Variants in AFF3 observed in about 807,000 individuals in gnomAD.
The protein encoded by AFF3 is ALF transcription elongation factor 3.
Under a neutral mutation model 129.7 loss-of-function variants are expected in AFF3, and 32 were observed. That is an observed-to-expected ratio of 0.25 (90% CI 0.19 to 0.33). The LOEUF (loss-of-function observed/expected upper bound fraction) is 0.33. Ranked by LOEUF, AFF3 falls within the 10% of genes least tolerant of loss-of-function variation. AFF3 has a pLI of 1.00. For synonymous variants in AFF3, 644 were observed against 635.4 expected (o/e 1.01, Z -0.20); for missense variants, 1,373 against 1,592.0 (o/e 0.86, Z 2.34).
intron 7 of AFF3, among the ~76,000 whole-genome samples, chr2:99,858,769 G>C (rs898146797): frequency 2.6e-5 from 4 of 152,148 alleles, no homozygotes; most frequent in African/African-American, 9.7e-5. Context: ...GGTGGGAGGA[G>C]GGAGAGGATC....
intron 12 of AFF3, among the ~76,000 whole-genome samples, chr2:99,655,879 T>C (rs1015983034): frequency 3.9e-5 from 6 of 152,090 alleles, no homozygotes; most frequent in South Asian, 2.1e-4. Flanking sequence ...AGCATGGTAG[T>C]AGTGAAGATG....
chr2:99,883,068 T>C (rs1692839723), intron 7 of AFF3, among the ~76,000 whole-genome samples: 1 of 152,210 alleles, frequency 6.6e-6, no homozygotes, highest in Non-Finnish European at 1.5e-5. Flanking sequence ...CATCCACAGT[T>C]TAGGAAGAGA....
intron 18 of AFF3, among the ~76,000 whole-genome samples, chr2:99,569,469 GT>G (rs1676283499): frequency 6.6e-6 from 1 of 152,164 alleles, no homozygotes; most frequent in South Asian, 2.1e-4. Context: ...TTGTAATGAA[GT>G]TAATTGTAAA....
intron 4 of AFF3, among the ~76,000 whole-genome samples, chr2:100,028,150 C>T (rs1684199130): frequency 6.6e-6 from 1 of 152,096 alleles, no homozygotes; most frequent in Non-Finnish European, 1.5e-5. Context: ...TATTCAATAC[C>T]AGTGACAGTG....
chr2:99,655,507 T>C (rs1175220167), intron 12 of AFF3, among the ~76,000 whole-genome samples: 1 of 152,178 alleles, frequency 6.6e-6, no homozygotes. Flanking sequence ...GCCTAGATCC[T>C]GGCTCAGCTG....
intron 15 of AFF3, among the ~76,000 whole-genome samples, chr2:99,590,045 C>T (rs1045975948): frequency 9.2e-5 from 14 of 152,182 alleles, no homozygotes; most frequent in African/African-American, 3.4e-4. Flanking sequence ...CCAGTGTGGG[C>T]GTTCCCCTTC....
rs1263439815 is a variant in AFF3, at chr2:99,593,234, A to T, written c.2427T>A (p.Pro809=). 1.2e-6 allele frequency: 2 copies of T among 1,602,840 alleles called. No individual in the cohort carries two copies. The highest frequency in any genetic ancestry group is 2.2e-5 in the East Asian group (1 of 44,554). ...TGGATTTTGGCAAAGCCTTTTCTGCAGGTGTGTCCGAGGTGTGGCTGGGCG... is the reference window on the plus strand; with the variant it reads ...TGGATTTTGGCAAAGCCTTTTCTGCTGGTGTGTCCGAGGTGTGGCTGGGCG... The part of the protein sequence containing the change: ...SAPPSHTSDT[P]AEKALPKSKR... The change falls in exon 15 of 25, where the codon CCT becomes CCA. Residue 809 remains proline, a synonymous_variant. Coordinates refer to ENST00000672756, the MANE Select transcript of AFF3 (RefSeq NM_001386135.1).
intron 10 of AFF3, among the ~76,000 whole-genome samples, chr2:99,735,735 C>T (rs572943095): frequency 1.3e-5 from 2 of 152,134 alleles, no homozygotes; most frequent in East Asian, 1.9e-4. Flanking sequence ...TCAATGGATC[C>T]GCCCACCTCA....
intron 8 of AFF3, among the ~76,000 whole-genome samples, chr2:99,774,408 A>C (rs1283765707): frequency 6.6e-6 from 1 of 152,184 alleles, no homozygotes; most frequent in Non-Finnish European, 1.5e-5. Context: ...AGACCAATGG[A>C]ACAGAATAGA....
At chr2:99,650,182 T>C (rs1030711874) in intron 12 of AFF3, among the ~76,000 whole-genome samples, 2 of 152,242 alleles carry the variant, frequency 1.3e-5, no homozygotes, top group Non-Finnish European at 2.9e-5. Context: ...GCATAGTTAA[T>C]GATATTATGA....
intron 12 of AFF3, among the ~76,000 whole-genome samples, chr2:99,667,883 G>A (rs375278735): frequency 1.7e-3 from 262 of 151,806 alleles, no homozygotes; most frequent in African/African-American, 6.2e-3. Flanking sequence ...TTGGCTGGGC[G>A]TGGTGGCTCA....
At chr2:99,743,748 C>T (rs1680913269) in intron 10 of AFF3, among the ~76,000 whole-genome samples, 1 of 152,140 alleles carries the variant, frequency 6.6e-6, no homozygotes. Flanking sequence ...GATTGATTTT[C>T]TTTGCCCACT....
At chr2:99,808,328 C>T (rs1027081644) in intron 8 of AFF3, among the ~76,000 whole-genome samples, 4 of 152,160 alleles carry the variant, frequency 2.6e-5, no homozygotes, top group African/African-American at 9.7e-5. Context: ...AAGAAATATT[C>T]TGGGATCCCA....
At chr2:100,028,145 A>G (rs1029467527) in intron 4 of AFF3, among the ~76,000 whole-genome samples, 1 of 152,228 alleles carries the variant, frequency 6.6e-6, no homozygotes, top group Non-Finnish European at 1.5e-5. Context: ...GGTAATATTC[A>G]ATACCAGTGA....
intron 4 of AFF3, among the ~76,000 whole-genome samples, chr2:100,061,973 A>G (rs1045606483): frequency 2.0e-5 from 3 of 152,186 alleles, no homozygotes; most frequent in Admixed American, 2.0e-4. Flanking sequence ...CAGCTGGTAC[A>G]CAGCTAAAAG....
At chr2:99,825,778 G>A (rs1253838405) in intron 8 of AFF3, among the ~76,000 whole-genome samples, 1 of 152,176 alleles carries the variant, frequency 6.6e-6, no homozygotes, top group African/African-American at 2.4e-5. Context: ...ACTCCCTCCT[G>A]TTTCTAGCCC....
At chr2:100,062,584 T>C (rs1472643164) in intron 4 of AFF3, among the ~76,000 whole-genome samples, 1 of 151,964 alleles carries the variant, frequency 6.6e-6, no homozygotes, top group East Asian at 1.9e-4. Flanking sequence ...GGAACTAAAC[T>C]AAAATTCCGG....
At chr2:99,661,878 G>A (rs1408867623) in intron 12 of AFF3, among the ~76,000 whole-genome samples, 1 of 152,148 alleles carries the variant, frequency 6.6e-6, no homozygotes, top group Non-Finnish European at 1.5e-5. Flanking sequence ...GCTGGCTTAT[G>A]CCTATAATGC....
intron 13 of AFF3, among the ~76,000 whole-genome samples, chr2:99,609,335 A>T (rs1361824788): frequency 6.6e-6 from 1 of 152,032 alleles, no homozygotes; most frequent in African/African-American, 2.4e-5. Flanking sequence ...CCATCACCCT[A>T]GCAGTATGTA....
Sources: gnomAD v4.1 joint callset for allele counts (sites outside exome capture counted in the v4.1 genomes callset) on GRCh38, gnomAD v4.1.1 for gene constraint, MANE v1.5 for transcripts, NCBI Gene and HGNC (gene_info 2026-07-23, HGNC 2026-07-21) for gene names.